The following PCDHGB5 variants were observed in gnomAD, a reference collection of about 807,000 sequenced individuals.
PCDHGB5 encodes the protein protocadherin gamma subfamily B, 5.
A neutral mutation model predicts 62.9 loss-of-function variants in PCDHGB5; 48 were observed. The ratio of observed to expected loss-of-function variants is 0.76; its 90% CI spans 0.61 to 0.97. The LOEUF (loss-of-function observed/expected upper bound fraction) is 0.97, where lower values mean the gene tolerates loss of function less well. Among genes scored for constraint, PCDHGB5 ranks in the 50% least tolerant of loss-of-function variants. PCDHGB5 has a pLI of 0.00. For synonymous variants in PCDHGB5, 474 were observed against 511.2 expected (o/e 0.93, Z 0.98); for missense variants, 1,118 against 1,198.6 (o/e 0.93, Z 0.99).
intron 1 of PCDHGB5, chr5:141,408,693 T>C (rs1561714723): frequency 6.2e-6 from 10 of 1,613,768 alleles, no homozygotes; most frequent in Non-Finnish European, 8.5e-6. Flanking sequence ...GATATAAACA[T>C]AAACTCAATT....
intron 1 of PCDHGB5, among the ~76,000 whole-genome samples, chr5:141,463,024 A>G (rs2099051235): frequency 6.6e-6 from 1 of 152,070 alleles, no homozygotes; most frequent in South Asian, 2.1e-4. Context: ...GACTTTTTTG[A>G]TTAATCTGAG....
chr5:141,413,914 A>G (rs776089620), intron 1 of PCDHGB5: 13 of 1,613,234 alleles, frequency 8.1e-6, no homozygotes. Flanking sequence ...GCCGGTCTTC[A>G]CCTTGCCAGA....
chr5:141,403,401 C>T (rs746777998), intron 1 of PCDHGB5: 1 of 1,614,052 alleles, frequency 6.2e-7, no homozygotes, highest in South Asian at 1.1e-5. Context: ...GTTCCTGGAG[C>T]ACGTTATCCA....
chr5:141,440,181 G>A (rs1419736461), intron 1 of PCDHGB5: 7 of 152,312 alleles, frequency 4.6e-5, no homozygotes, highest in Non-Finnish European at 8.8e-5. Context: ...CTTTGAAATA[G>A]TTGAAGGCCA....
rs778294045 is a variant in PCDHGB5 at position 141,399,841 on chromosome 5, G to A, written c.1714G>A (p.Asp572Asn). 2 of 1,612,968 alleles carry A rather than the reference G, an allele frequency of 1.2e-6. No homozygotes were observed. Among genetic ancestry groups the A allele is most frequent in the African/African-American group, 1.3e-5 (1 of 74,926 alleles). ...GGGTCCCGACGGCTCTGCGCTCTTC[G>A]ATATGGTGCCGCGCGCTGCAGAGCC... ...ALGPDGSALF[D>N]MVPRAAEPGY... The change falls in exon 1 of 4, where the codon GAT becomes AAT. Residue 572 changes from aspartate (D) to asparagine (N), a missense_variant. Asp to Asn is a conservative substitution (Grantham distance 23). Around this residue, in one of 2 missense-constraint regions of PCDHGB5, gnomAD observed 1,034 missense variants for 1,029.1 expected, o/e 1.00. Transcript: ENST00000617380.
chr5:141,510,613 C>T (rs559713771), intron 3 of PCDHGB5, among the ~76,000 whole-genome samples: 17 of 152,298 alleles, frequency 1.1e-4, no homozygotes, highest in Admixed American at 2.0e-4. Context: ...TTAGCATTCA[C>T]TAAAACCAGA....
chr5:141,423,297 C>G lies in PCDHGB5; in HGVS notation c.2397+22773C>G, dbSNP rs1322889810. 3 of 1,614,170 alleles carry G rather than the reference C, an allele frequency of 1.9e-6. 1 individual carries two copies. The South Asian group carries it at 3.3e-5, about 18-fold the overall frequency. The stretch of plus-strand genomic sequence containing the variant: ...TGGCTAACTCTGAAACCTCAGACCT[C>G]TCGCTGTACTTGGTGGTGGCGGTGG... On this transcript the variant is annotated intron_variant, in intron 1 of 3. Transcript: ENST00000617380.
chr5:141,488,748 T>C (rs2099679003), intron 1 of PCDHGB5, among the ~76,000 whole-genome samples: 1 of 152,270 alleles, frequency 6.6e-6, no homozygotes, highest in African/African-American at 2.4e-5. Flanking sequence ...ATGCAGGAAG[T>C]TGCTGGGACA....
At chr5:141,405,032 G>A (rs747720731) in intron 1 of PCDHGB5, 25 of 1,613,806 alleles carry the variant, frequency 1.5e-5, no homozygotes, top group African/African-American at 6.7e-5. Context: ...CCTCTACCTC[G>A]TTGTGGCTGT....
chr5:141,399,411 C>G lies in PCDHGB5; in HGVS notation c.1284C>G (p.Leu428=), dbSNP rs375057054. 3.4e-5 allele frequency: 55 copies of G among 1,613,900 alleles called. No individual in the cohort carries two copies. In the African/African-American group the frequency reaches 5.3e-4, roughly 16 times the overall value. The change falls in exon 1 of 4, where the codon CTC becomes CTG. Residue 428 remains leucine (L), a synonymous_variant. Transcript: ENST00000617380. The part of the protein sequence containing the change: ...ITATDRGKPP[L]SSSISVILHI... ...CCACAGACAGGGGCAAGCCGCCCCT[C>G]TCCTCCAGCATAAGCGTCATCCTAC...
intron 2 of PCDHGB5, among the ~76,000 whole-genome samples, chr5:141,500,739 C>T (rs1199462920): frequency 6.6e-6 from 1 of 152,114 alleles, no homozygotes; most frequent in Non-Finnish European, 1.5e-5. Context: ...CAAAATTCTT[C>T]CCAAGTCATT....
chr5:141,485,882 G>C lies in PCDHGB5; in HGVS notation c.2398-8925G>C. 6.2e-7 allele frequency: 1 copy of C among 1,614,146 alleles called. No homozygotes were observed. On this transcript the variant is annotated intron_variant, in intron 1 of 3. Transcript: ENST00000617380. The surrounding 1 kb of genome is among the most constrained non-coding windows in gnomAD (Gnocchi z 5.7). ...CCGGGTATCCGTGCTGGACGTAAACGACAACGCCCCAGCCTTCCAGCAATC... is the reference window on the plus strand; with the variant it reads ...CCGGGTATCCGTGCTGGACGTAAACCACAACGCCCCAGCCTTCCAGCAATC...
intron 1 of PCDHGB5, among the ~76,000 whole-genome samples, chr5:141,463,783 C>T (rs1395035313): frequency 1.3e-5 from 2 of 152,138 alleles, no homozygotes; most frequent in African/African-American, 4.8e-5. Flanking sequence ...CCTGCACTGT[C>T]TTTTGAACAA....
rs1479003983 is a variant in PCDHGB5, at chr5:141,485,352, C to T, written c.2398-9455C>T. On this transcript the variant is annotated intron_variant, in intron 1 of 3. Coordinates refer to ENST00000617380, the MANE Select transcript of PCDHGB5 (RefSeq NM_018925.3). This position sits in a 1 kb window ranked among gnomAD's most constrained non-coding sequence, Gnocchi z 5.7. ...TTCCTGCTGGATACGGACAGTCTGT[C>T]AGCTCGCAGGCTGCAGGTCGCTGGA... 1 of 1,614,136 alleles carries T rather than the reference C, an allele frequency of 6.2e-7. No homozygotes were observed. The highest frequency in any genetic ancestry group is 8.5e-7 in the Non-Finnish European group (1 of 1,180,012).
At chr5:141,484,155 T>G (rs2099592564) in intron 1 of PCDHGB5, among the ~76,000 whole-genome samples, 1 of 152,224 alleles carries the variant, frequency 6.6e-6, no homozygotes, top group Non-Finnish European at 1.5e-5. Context: ...GTAGGCACAA[T>G]GCTGTTGGTA....
At chr5:141,452,281 T>G (rs948141174) in intron 1 of PCDHGB5, among the ~76,000 whole-genome samples, 2 of 152,232 alleles carry the variant, frequency 1.3e-5, no homozygotes, top group Non-Finnish European at 2.9e-5. Flanking sequence ...CCTTTCTTAC[T>G]TTCTGATATA....
At chr5:141,438,487 G>T (rs1030201971) in intron 1 of PCDHGB5, among the ~76,000 whole-genome samples, 9 of 150,284 alleles carry the variant, frequency 6.0e-5, no homozygotes, top group African/African-American at 2.2e-4. Flanking sequence ...GTCTCTTGGA[G>T]AAAAAAGAAT....
chr5:141,430,090 G>T (rs2097260736), intron 1 of PCDHGB5, among the ~76,000 whole-genome samples: 1 of 152,096 alleles, frequency 6.6e-6, no homozygotes, highest in Non-Finnish European at 1.5e-5. Context: ...ATGAAAATTT[G>T]ATTTTTAAGC....
At chr5:141,418,946 G>A in intron 1 of PCDHGB5, 3 of 1,614,018 alleles carry the variant, frequency 1.9e-6, no homozygotes, top group South Asian at 1.1e-5. Flanking sequence ...TTCCCCTCCA[G>A]GAGTGGTTGT....
Sources: allele counts gnomAD v4.1 joint callset (sites outside exome capture counted in the v4.1 genomes callset), GRCh38; gene constraint gnomAD v4.1.1; regional missense constraint gnomAD v4.1.1; non-coding constraint Gnocchi (gnomAD v3.1); transcripts MANE v1.5; gene names NCBI Gene and HGNC (gene_info 2026-07-23, HGNC 2026-07-21).